The following CARMIL1 variants were observed in gnomAD, a reference collection of about 807,000 sequenced individuals.
CARMIL1 encodes capping protein regulator and myosin 1 linker 1, also known as F-actin-uncapping protein LRRC16A.
CARMIL1 carries 90 observed loss-of-function variants against 177.1 expected under a neutral mutation model. The ratio of observed to expected loss-of-function variants is 0.51; its 90% CI spans 0.43 to 0.61. The LOEUF (loss-of-function observed/expected upper bound fraction) is 0.61, where lower values mean the gene tolerates loss of function less well. Ranked by LOEUF, CARMIL1 falls within the 20% of genes least tolerant of loss-of-function variation. CARMIL1 has a pLI of 0.00. For synonymous variants in CARMIL1, 577 were observed against 606.2 expected (o/e 0.95, Z 0.71); for missense variants, 1,380 against 1,667.0 (o/e 0.83, Z 3.00).
chr6:25,346,389 C>G (rs1787517569), intron 2 of CARMIL1, among the ~76,000 whole-genome samples: 1 of 152,178 alleles, frequency 6.6e-6, no homozygotes, highest in African/African-American at 2.4e-5. Context: ...TATCCATGTC[C>G]TCATGATCCC....
intron 4 of CARMIL1, among the ~76,000 whole-genome samples, chr6:25,432,387 G>A (rs773576531): frequency 1.1e-4 from 17 of 152,124 alleles, no homozygotes; most frequent in Non-Finnish European, 2.2e-4. Context: ...AAATTCCTGA[G>A]ACTTACCTAC....
intron 24 of CARMIL1, among the ~76,000 whole-genome samples, chr6:25,534,865 A>G (rs540094172): frequency 4.6e-5 from 7 of 152,334 alleles, no homozygotes; most frequent in Admixed American, 1.3e-4. Context: ...GAATGGAATA[A>G]AGAAACCAAT....
Position 25,484,681 on chromosome 6 carries a change from C to T in CARMIL1, c.961+2338C>T, listed in dbSNP as rs368143489. On this transcript the variant is annotated intron_variant, in intron 12 of 36. Transcript: ENST00000329474. The stretch of plus-strand genomic sequence containing the variant: ...AAAAAGTATAAATAAGAAGGCAAAC[C>T]CCCTCCAAACTCCCTTGTTCCTTAG... Among the ~76,000 whole-genome samples the T allele has an allele frequency of 2.4e-3, 364 of 152,154 alleles. 3 individuals are homozygous for T. Among genetic ancestry groups the T allele is most frequent in the African/African-American group, 8.3e-3 (344 of 41,498 alleles).
intron 2 of CARMIL1, among the ~76,000 whole-genome samples, chr6:25,329,981 C>T (rs1785463999): frequency 6.6e-6 from 1 of 152,212 alleles, no homozygotes; most frequent in Non-Finnish European, 1.5e-5. Flanking sequence ...CAGCGTCAGA[C>T]ATTCATTGTT....
chr6:25,489,702 G>A (rs755084564), intron 13 of CARMIL1, among the ~76,000 whole-genome samples: 11 of 152,188 alleles, frequency 7.2e-5, no homozygotes, highest in Non-Finnish European at 1.3e-4. Context: ...TGTAAGGCAG[G>A]AAGTACAAAT....
chr6:25,480,486 T>C (rs1025354829), intron 11 of CARMIL1, among the ~76,000 whole-genome samples: 2 of 151,682 alleles, frequency 1.3e-5, no homozygotes, highest in African/African-American at 4.8e-5. Context: ...TTAGTTAGTG[T>C]TTGTAGCATA....
chr6:25,534,702 G>A (rs1464122388), intron 24 of CARMIL1, among the ~76,000 whole-genome samples: 1 of 152,108 alleles, frequency 6.6e-6, no homozygotes, highest in Admixed American at 6.5e-5. Context: ...TCATGTCCTT[G>A]TGGATATTAC....
chr6:25,563,620 T>G (rs145660277), intron 29 of CARMIL1: 1 of 985,450 alleles, frequency 1.0e-6, no homozygotes, highest in East Asian at 1.1e-4. Context: ...AAGCCATGCA[T>G]AGGCTAGATG....
At chr6:25,460,620 C>T (rs531831998) in intron 8 of CARMIL1, among the ~76,000 whole-genome samples, 25 of 152,284 alleles carry the variant, frequency 1.6e-4, no homozygotes, top group African/African-American at 6.0e-4. Context: ...CATATTGCAG[C>T]CAGGCTGAGA....
rs909709384 is a variant in CARMIL1, at chr6:25,577,971, T to C, written c.2743-2953T>C. On this transcript the variant is annotated intron_variant, in intron 29 of 36. Transcript: ENST00000329474. This position sits in a 1 kb window ranked among gnomAD's most constrained non-coding sequence, Gnocchi z 4.5. Reference sequence around the variant, plus strand: ...CATTTAAAATAAGGGTTTAACACCTTTTTCCTCATACTTTTTTGGGATATG... The same window carrying C: ...CATTTAAAATAAGGGTTTAACACCTCTTTCCTCATACTTTTTTGGGATATG... Among the ~76,000 whole-genome samples the C allele has an allele frequency of 2.0e-5, 3 of 152,210 alleles. No homozygotes were observed. In the South Asian group the frequency reaches 6.2e-4, roughly 31 times the overall value.
chr6:25,465,042 A>T (rs946822761), intron 8 of CARMIL1, among the ~76,000 whole-genome samples: 2 of 136,436 alleles, frequency 1.5e-5, no homozygotes, highest in African/African-American at 2.7e-5. Flanking sequence ...GGGCTATCTT[A>T]TGGATGCAGT....
intron 2 of CARMIL1, among the ~76,000 whole-genome samples, chr6:25,404,846 C>T (rs9467500): frequency 0.44 from 67,402 of 151,494 alleles, 15,260 homozygotes; most frequent in Middle Eastern, 0.6. Flanking sequence ...CTGTTTCTGG[C>T]AAAGTGCAGG....
chr6:25,506,407 A>G (rs930016033), intron 17 of CARMIL1, among the ~76,000 whole-genome samples: 4 of 152,168 alleles, frequency 2.6e-5, no homozygotes, highest in African/African-American at 4.8e-5. Context: ...TTAGCTAGGC[A>G]TGGTAGTGCA....
rs71744522 is a variant in CARMIL1 at position 25,352,152 on chromosome 6, TAA to T, written c.138+67258_138+67259del. Among the ~76,000 whole-genome samples, 616 of 143,970 alleles carry T rather than the reference TAA, an allele frequency of 4.3e-3. 2 individuals are homozygous for T. The highest frequency in any genetic ancestry group is 9.6e-3 in the South Asian group (43 of 4,468). 94.4% of individuals were successfully genotyped at this position (143,970 alleles called of 152,430 possible). ...AGTTGAAAACATGTATTGGATACAG[TAA>T]AAAAAAAAAAAAAAGTATTCATCTA... On this transcript the variant is annotated intron_variant, in intron 2 of 36. Transcript: ENST00000329474.
At chr6:25,480,910 CG>C (rs1562196043) in intron 11 of CARMIL1, among the ~76,000 whole-genome samples, 1 of 151,502 alleles carries the variant, frequency 6.6e-6, no homozygotes, top group African/African-American at 2.4e-5. Context: ...TTAGTAGAAA[CG>C]GGGTTTCACC....
At chr6:25,285,640 G>T (rs1781462209) in intron 2 of CARMIL1, among the ~76,000 whole-genome samples, 1 of 149,188 alleles carries the variant, frequency 6.7e-6, no homozygotes, top group African/African-American at 2.6e-5. Context: ...ATATTTTGAT[G>T]GAGAGAATAC....
chr6:25,582,205 T>C (rs905962796), intron 31 of CARMIL1, among the ~76,000 whole-genome samples: 1 of 152,168 alleles, frequency 6.6e-6, no homozygotes, highest in Non-Finnish European at 1.5e-5. Context: ...CTGTGGACTC[T>C]TCAGCTGTCC....
At chr6:25,540,939 C>T (rs1027990464) in intron 26 of CARMIL1, among the ~76,000 whole-genome samples, 9 of 152,272 alleles carry the variant, frequency 5.9e-5, no homozygotes, top group African/African-American at 2.2e-4. Flanking sequence ...TCTTCCTGTG[C>T]ATATAATACA....
At chr6:25,301,805 C>G (rs556179908) in intron 2 of CARMIL1, among the ~76,000 whole-genome samples, 66 of 152,318 alleles carry the variant, frequency 4.3e-4, no homozygotes, top group Non-Finnish European at 8.4e-4. Context: ...TTACTTTCAG[C>G]TTGTTGATGG....
Sources: allele counts gnomAD v4.1 joint callset (sites outside exome capture counted in the v4.1 genomes callset), GRCh38; gene constraint gnomAD v4.1.1; non-coding constraint Gnocchi (gnomAD v3.1); transcripts MANE v1.5; gene names NCBI Gene and HGNC (gene_info 2026-07-23, HGNC 2026-07-21).